Variants in PPWD1 observed in about 807,000 individuals in gnomAD.
PPWD1 encodes the protein peptidylprolyl isomerase domain and WD repeat-containing protein 1.
PPWD1 carries 43 observed loss-of-function variants against 68.8 expected under a neutral mutation model. That is an observed-to-expected ratio of 0.62 (90% CI 0.49 to 0.81). The LOEUF (loss-of-function observed/expected upper bound fraction) is 0.81. Among genes scored for constraint, PPWD1 ranks in the 30% least tolerant of loss-of-function variants. The pLI is 0.00. For missense variants in PPWD1, 672 were observed against 804.8 expected, an observed-to-expected ratio of 0.83 and a Z score of 2.00; for synonymous variants, 232 against 258.7, an observed-to-expected ratio of 0.90 and a Z score of 0.99.
rs771921679 is a variant in PPWD1 at position 65,587,338 on chromosome 5, A to G, written c.1883A>G (p.Asn628Ser). ...VVQRISNVKV[N>S]PKTDKPYEDV... ...CAGAGGATCTCCAACGTCAAAGTCA[A>G]TCCCAAAACAGATAAGCCCTATGAG... The change falls in exon 11 of 11, where the codon AAT (asparagine) becomes AGT (serine). Residue 628 changes from asparagine to serine, a missense_variant. Around this residue, in one of 2 missense-constraint regions of PPWD1, gnomAD observed 484 missense variants for 646.2 expected, o/e 0.75. Coordinates refer to ENST00000261308, the MANE Select transcript of PPWD1 (RefSeq NM_015342.4). The G allele has an allele frequency of 7.4e-6, 12 of 1,612,768 alleles. 1 individual carries two copies. Among genetic ancestry groups the G allele is most frequent in the South Asian group, 5.5e-5 (5 of 91,022 alleles).
intron 8 of PPWD1, among the ~76,000 whole-genome samples, chr5:65,583,938 T>A (rs1055871521): frequency 1.3e-5 from 2 of 151,900 alleles, no homozygotes; most frequent in African/African-American, 2.4e-5. Flanking sequence ...GGCAACAGAG[T>A]GAGACCCTGT....
At chr5:65,576,324 A>G in intron 5 of PPWD1, 24 of 983,870 alleles carry the variant, frequency 2.4e-5, no homozygotes, top group Non-Finnish European at 2.7e-5. Flanking sequence ...CTATTAACCA[A>G]CCGGGTTTTG....
chr5:65,576,719 A>G (rs1753302857), intron 5 of PPWD1, 160 bp from the exon 6 acceptor site: 2 of 902,320 alleles, frequency 2.2e-6, no homozygotes, highest in East Asian at 1.2e-4. Flanking sequence ...TGTCTATTTC[A>G]TATTGTTTAG....
At chr5:65,583,660 A>T (rs1753696413) in intron 8 of PPWD1, among the ~76,000 whole-genome samples, 1 of 152,218 alleles carries the variant, frequency 6.6e-6, no homozygotes, top group Non-Finnish European at 1.5e-5. Context: ...TTTAAAAGTG[A>T]ACTACAAGCT....
At chr5:65,574,147 G>A (rs1404254402) in intron 5 of PPWD1, among the ~76,000 whole-genome samples, 2 of 152,118 alleles carry the variant, frequency 1.3e-5, no homozygotes, top group African/African-American at 2.4e-5. Flanking sequence ...TCTTGATTTG[G>A]TGGCACGTGG....
intron 1 of PPWD1, among the ~76,000 whole-genome samples, chr5:65,565,917 A>T (rs1240212367): frequency 1.3e-5 from 2 of 152,218 alleles, no homozygotes; most frequent in African/African-American, 2.4e-5. Context: ...GTCTAAATGG[A>T]CAAGTATTTA....
chr5:65,575,942 G>A (rs1363438325), intron 5 of PPWD1, among the ~76,000 whole-genome samples: 1 of 152,154 alleles, frequency 6.6e-6, no homozygotes, highest in African/African-American at 2.4e-5. Context: ...ACGTAACCTT[G>A]CTCAAGGACC....
Position 65,579,562 on chromosome 5 carries a change from A to G in PPWD1, c.1299A>G (p.Gln433=), listed in dbSNP as rs561055896. Residue 433 remains glutamine, a synonymous_variant, in exon 7 of 11, where the codon CAA becomes CAG. Transcript: ENST00000261308. Reference sequence around the variant, plus strand: ...AAAATCCTGTTCTTCAGAATATTCAAGCTGACCCAACAATAGTCTGTACAT... The same window carrying G: ...AAAATCCTGTTCTTCAGAATATTCAGGCTGACCCAACAATAGTCTGTACAT... ...ASENPVLQNI[Q]ADPTIVCTSF... 5.0e-6 allele frequency: 8 copies of G among 1,608,338 alleles called. No homozygotes were observed. The South Asian group carries it at 7.8e-5, about 16-fold the overall frequency.
intron 1 of PPWD1, among the ~76,000 whole-genome samples, chr5:65,566,736 TCTCTC>T (rs199538660): frequency 0.014 from 2,087 of 151,802 alleles, 55 homozygotes; most frequent in African/African-American, 0.047. Flanking sequence ...TCTTCCTTCT[TCTCTC>T]CCTCCCTCCC....
intron 7 of PPWD1, among the ~76,000 whole-genome samples, chr5:65,580,292 A>G (rs1753535762): frequency 6.6e-6 from 1 of 152,182 alleles, no homozygotes. Context: ...TTTTCTGCCT[A>G]ATACCCTTTA....
chr5:65,587,274 A>G lies in PPWD1; in HGVS notation c.1819A>G (p.Thr607Ala), dbSNP rs779201484. ...VPTPWLDNKH[T>A]VFGRVTKGME... is the part of the protein sequence containing the mutation. Reference sequence around the variant, plus strand: ...ACAGCCTTGGCTTGATAATAAGCATACAGTATTTGGACGAGTGACTAAAGG... The same window carrying G: ...ACAGCCTTGGCTTGATAATAAGCATGCAGTATTTGGACGAGTGACTAAAGG... Residue 607 changes from threonine (T) to alanine (A), a missense_variant, in exon 11 of 11, where the codon ACA becomes GCA. Physicochemically the swap from Thr to Ala is moderately conservative, Grantham distance 58 (BLOSUM62 0). Coordinates refer to ENST00000261308, the MANE Select transcript of PPWD1 (RefSeq NM_015342.4). The G allele has an allele frequency of 6.2e-7, 1 of 1,610,364 alleles. No individual in the cohort carries two copies. The highest frequency in any genetic ancestry group is 8.5e-7 in the Non-Finnish European group (1 of 1,177,484).
intron 1 of PPWD1, among the ~76,000 whole-genome samples, chr5:65,565,313 A>G (rs1752697848): frequency 6.6e-6 from 1 of 152,128 alleles, no homozygotes; most frequent in East Asian, 1.9e-4. Context: ...GTCTTTAGCT[A>G]TTTTGTTGCA....
At chr5:65,584,399 G>A (rs927848545) in intron 8 of PPWD1, among the ~76,000 whole-genome samples, 1 of 152,130 alleles carries the variant, frequency 6.6e-6, no homozygotes, top group African/African-American at 2.4e-5. Flanking sequence ...GAGTGTGATT[G>A]TCATTTAAAG....
chr5:65,587,476 G>T lies in PPWD1; in HGVS notation c.*80G>T. 8.9e-7 allele frequency: 1 copy of T among 1,119,198 alleles called. No individual in the cohort carries two copies. 69.3% of individuals were successfully genotyped at this position (1,119,198 alleles called of 1,614,324 possible). On this transcript the variant is annotated 3_prime_UTR_variant, in exon 11 of 11. Coordinates refer to ENST00000261308, the MANE Select transcript of PPWD1 (RefSeq NM_015342.4). ...TTTTACATTAGGAAGCTTAGGACTT[G>T]CTGAATATACAGATCATGTTTCAAA... is the stretch of plus-strand genomic sequence containing the variant.
At chr5:65,585,827 T>C (rs950663872) in intron 9 of PPWD1, 172 bp from the exon 10 acceptor site, 1 of 733,264 alleles carries the variant, frequency 1.4e-6, no homozygotes, top group Admixed American at 6.5e-5. Flanking sequence ...AAGGTGGTGG[T>C]TGGGCAATGG....
At chr5:65,573,516 G>GTTTGTT (rs1753122949) in intron 5 of PPWD1, among the ~76,000 whole-genome samples, 1 of 15,436 alleles carries the variant, frequency 6.5e-5, no homozygotes, top group African/African-American at 2.3e-4. Context: ...AGTACAGATG[G>GTTTGTT]TTTTTTTTTT....
At chr5:65,569,576 C>T in intron 2 of PPWD1, 56 bp from the exon 3 acceptor site, 4 of 1,488,636 alleles carry the variant, frequency 2.7e-6, no homozygotes, top group Non-Finnish European at 3.6e-6. Flanking sequence ...TTTGGGAATA[C>T]TAAGTGATTC....
intron 8 of PPWD1, 25 bp downstream of exon 8, chr5:65,583,244 G>A (rs1226221279): frequency 2.0e-6 from 3 of 1,472,080 alleles, no homozygotes; most frequent in South Asian, 2.8e-5. Flanking sequence ...TGTTTTTATT[G>A]GCTTATGTAA....
At chr5:65,582,386 G>T (rs1222203404) in intron 7 of PPWD1, among the ~76,000 whole-genome samples, 3 of 151,998 alleles carry the variant, frequency 2.0e-5, no homozygotes, top group East Asian at 3.8e-4. Context: ...GGTCAGTTGG[G>T]ACTGTGAAAA....
Sources: gnomAD v4.1 joint callset for allele counts (sites outside exome capture counted in the v4.1 genomes callset) on GRCh38, gnomAD v4.1.1 for gene constraint, gnomAD v4.1.1 regional missense constraint, MANE v1.5 for transcripts, NCBI Gene and HGNC (gene_info 2026-07-23, HGNC 2026-07-21) for gene names.